The following FBXW7 variants were observed in gnomAD, a reference collection of about 807,000 sequenced individuals.
FBXW7 encodes F-box/WD repeat-containing protein 7.
FBXW7 carries 11 observed loss-of-function variants against 86.3 expected under a neutral mutation model. The ratio of observed to expected loss-of-function variants is 0.13; its 90% confidence interval spans 0.08 to 0.21. The LOEUF is 0.21. Among genes scored for constraint, FBXW7 ranks in the 10% least tolerant of loss-of-function variants. The pLI is 1.00. For missense variants in FBXW7, 488 were observed against 847.4 expected, an observed-to-expected ratio of 0.58 and a Z score of 5.27; for synonymous variants, 313 against 297.9, an observed-to-expected ratio of 1.05 and a Z score of -0.52.
At chr4:152,475,269 A>T (rs1000421851) in intron 2 of FBXW7, among the ~76,000 whole-genome samples, 1 of 151,824 alleles carries the variant, frequency 6.6e-6, no homozygotes, top group African/African-American at 2.4e-5. Flanking sequence ...TCCACAAAAA[A>T]TAAAAAACTT....
At chr4:152,488,991 A>G (rs1480332398) in intron 2 of FBXW7, among the ~76,000 whole-genome samples, 1 of 152,060 alleles carries the variant, frequency 6.6e-6, no homozygotes, top group African/African-American at 2.4e-5. Flanking sequence ...TACTAAATAT[A>G]ATAGTATAAA....
intron 2 of FBXW7, among the ~76,000 whole-genome samples, chr4:152,424,578 G>A (rs767673942): frequency 2.6e-5 from 4 of 152,080 alleles, no homozygotes; most frequent in Non-Finnish European, 2.9e-5. Flanking sequence ...TGTTTTAAGC[G>A]CCTGGTGAGT....
chr4:152,477,992 C>G (rs1017204687), intron 2 of FBXW7, among the ~76,000 whole-genome samples: 4 of 151,892 alleles, frequency 2.6e-5, no homozygotes, highest in Non-Finnish European at 5.9e-5. Flanking sequence ...AGCAATGAAA[C>G]AACAAAATTT....
chr4:152,433,989 AT>A (rs922872131), intron 2 of FBXW7, among the ~76,000 whole-genome samples: 1 of 152,038 alleles, frequency 6.6e-6, no homozygotes, highest in Non-Finnish European at 1.5e-5. Flanking sequence ...TTATACGTGG[AT>A]TTTTTTTCAA....
At chr4:152,334,105 T>C (rs1402393358) in intron 7 of FBXW7, among the ~76,000 whole-genome samples, 1 of 152,150 alleles carries the variant, frequency 6.6e-6, no homozygotes, top group Non-Finnish European at 1.5e-5. Flanking sequence ...TACATATGTA[T>C]TGAGTATATT....
intron 4 of FBXW7, among the ~76,000 whole-genome samples, chr4:152,377,486 C>G (rs1162352170): frequency 6.6e-6 from 1 of 151,816 alleles, no homozygotes; most frequent in Non-Finnish European, 1.5e-5. Context: ...GGCACGGTGG[C>G]TCTGCCTGTA....
chr4:152,478,618 T>A (rs1744622630), intron 2 of FBXW7, among the ~76,000 whole-genome samples: 1 of 152,104 alleles, frequency 6.6e-6, no homozygotes, highest in Admixed American at 6.6e-5. Flanking sequence ...TCATTCTACA[T>A]CAAACTTTTT....
intron 4 of FBXW7, among the ~76,000 whole-genome samples, chr4:152,394,560 T>C (rs1736259443): frequency 6.6e-6 from 1 of 152,038 alleles, no homozygotes; most frequent in African/African-American, 2.4e-5. Flanking sequence ...CAAAAGTCAA[T>C]GGAATTGTTT....
chr4:152,470,399 T>A (rs1238080916), intron 2 of FBXW7, among the ~76,000 whole-genome samples: 1 of 152,070 alleles, frequency 6.6e-6, no homozygotes, highest in African/African-American at 2.4e-5. Context: ...CTAGTTACCA[T>A]CTTTTAAGTG....
intron 6 of FBXW7, among the ~76,000 whole-genome samples, chr4:152,344,478 T>TA (rs1377761406): frequency 6.6e-6 from 1 of 152,076 alleles, no homozygotes; most frequent in East Asian, 1.9e-4. Flanking sequence ...TCACTGCACC[T>TA]ACTCCTTTTA....
intron 4 of FBXW7, among the ~76,000 whole-genome samples, chr4:152,377,765 A>G (rs1331088844): frequency 2.0e-5 from 3 of 151,800 alleles, no homozygotes; most frequent in Non-Finnish European, 4.4e-5. Flanking sequence ...AAAAAAAAAA[A>G]AAAAAAATCA....
chr4:152,417,939 C>G lies in FBXW7; in HGVS notation c.-119-5410G>C, dbSNP rs192389341. Among the ~76,000 whole-genome samples the G allele has an allele frequency of 2.4e-3, 361 of 152,154 alleles. 5 individuals are homozygous for G. The highest frequency in any genetic ancestry group is 0.02 in the Admixed American group (298 of 15,274). Reference sequence around the variant, plus strand: ...GGGTAGTAGGGTGGGGTGGGAGATTCCCTGCGCATCAAATCTTGTCTTGAC... The same window carrying G: ...GGGTAGTAGGGTGGGGTGGGAGATTGCCTGCGCATCAAATCTTGTCTTGAC... On this transcript the variant is annotated intron_variant, in intron 2 of 13. Coordinates refer to ENST00000281708, the MANE Select transcript of FBXW7 (RefSeq NM_001349798.2).
At position 152,328,224 on chromosome 4, in the gene FBXW7, G is replaced by A. The variant is rs979863616; in HGVS notation, c.1402C>T (p.His468Tyr). 6.3e-7 allele frequency: 1 copy of A among 1,587,422 alleles called. No individual in the cohort carries two copies. Among genetic ancestry groups the A allele is most frequent in the Non-Finnish European group, 8.5e-7 (1 of 1,169,660 alleles). Residue 468 changes from histidine to tyrosine, a missense_variant, in exon 11 of 14, where the codon CAT becomes TAT. By Grantham distance (83) the His-to-Tyr change is moderately conservative (BLOSUM62 2). Coordinates refer to ENST00000281708, the MANE Select transcript of FBXW7 (RefSeq NM_001349798.2). Reference protein sequence around the residue: ...YGHTSTVRCMHLHEKRVVSGS... With the variant: ...YGHTSTVRCMYLHEKRVVSGS... ...TTCCCTTACCTTTTTTCATGAAGAT[G>A]CATACAACGCACAGTGGAAGTATGC...
intron 2 of FBXW7, among the ~76,000 whole-genome samples, chr4:152,413,697 G>T (rs1442871414): frequency 6.6e-6 from 1 of 152,006 alleles, no homozygotes; most frequent in African/African-American, 2.4e-5. Flanking sequence ...CAAATTATTT[G>T]CTGAGCATTC....
chr4:152,485,366 A>T (rs546258214), intron 2 of FBXW7, among the ~76,000 whole-genome samples: 1 of 152,278 alleles, frequency 6.6e-6, no homozygotes, highest in African/African-American at 2.4e-5. Flanking sequence ...CGCTATAAAT[A>T]AAAAACTGCA....
intron 4 of FBXW7, among the ~76,000 whole-genome samples, chr4:152,387,513 G>A (rs187154524): frequency 6.0e-5 from 9 of 150,072 alleles, no homozygotes; most frequent in South Asian, 2.1e-4. Context: ...GGTTGAAGAC[G>A]GAACAATTTA....
intron 4 of FBXW7, among the ~76,000 whole-genome samples, chr4:152,373,795 T>C (rs1734223235): frequency 6.6e-6 from 1 of 152,086 alleles, no homozygotes; most frequent in Admixed American, 6.6e-5. Flanking sequence ...TGTAGTTTTA[T>C]CACTGTGACT....
chr4:152,411,001 C>A (rs1283715003), intron 4 of FBXW7, among the ~76,000 whole-genome samples: 3 of 152,132 alleles, frequency 2.0e-5, no homozygotes, highest in Non-Finnish European at 4.4e-5. Flanking sequence ...AACCTCTACA[C>A]CCCACACAAG....
At chr4:152,491,277 T>A (rs1745826951) in intron 2 of FBXW7, among the ~76,000 whole-genome samples, 1 of 152,144 alleles carries the variant, frequency 6.6e-6, no homozygotes. Flanking sequence ...AATTTGGGTA[T>A]CCTTCAATTT....
Sources: gnomAD v4.1 joint callset for allele counts (sites outside exome capture counted in the v4.1 genomes callset) on GRCh38, gnomAD v4.1.1 for gene constraint, MANE v1.5 for transcripts, NCBI Gene and HGNC (gene_info 2026-07-23, HGNC 2026-07-21) for gene names.